Variants in ARHGEF18 observed in about 807,000 individuals in gnomAD.
ARHGEF18 encodes rho guanine nucleotide exchange factor 18.
In ARHGEF18, 93 loss-of-function variants were observed where a neutral mutation model predicts 155.7. The ratio of observed to expected loss-of-function variants is 0.60; its 90% CI spans 0.50 to 0.71. The LOEUF is 0.71. Among genes scored for constraint, ARHGEF18 ranks in the 30% least tolerant of loss-of-function variants. The pLI is 0.00. For missense variants in ARHGEF18, 1,593 were observed against 1,816.1 expected, an observed-to-expected ratio of 0.88 and a Z score of 2.23; for synonymous variants, 742 against 753.1, an observed-to-expected ratio of 0.99 and a Z score of 0.24.
At chr19:7,461,543 CCTT>C (rs1424377751) in intron 20 of ARHGEF18, among the ~76,000 whole-genome samples, 5 of 152,068 alleles carry the variant, frequency 3.3e-5, no homozygotes, top group East Asian at 3.9e-4. Flanking sequence ...GAGCGAGACT[CCTT>C]CTCAAAAGAA....
intron 10 of ARHGEF18, among the ~76,000 whole-genome samples, chr19:7,394,428 C>T (rs1221972219): frequency 6.6e-6 from 1 of 152,046 alleles, no homozygotes; most frequent in Non-Finnish European, 1.5e-5. Context: ...CTCCCCACCA[C>T]TGGGAGTGCC....
intron 17 of ARHGEF18, among the ~76,000 whole-genome samples, chr19:7,454,905 A>G (rs1415072827): frequency 2.6e-5 from 4 of 151,932 alleles, no homozygotes; most frequent in Non-Finnish European, 5.9e-5. Context: ...GTGGATAGAG[A>G]ATACCCCCAG....
intron 10 of ARHGEF18, among the ~76,000 whole-genome samples, chr19:7,434,138 T>C (rs1974125731): frequency 6.6e-6 from 1 of 151,780 alleles, no homozygotes; most frequent in Admixed American, 6.6e-5. Context: ...CAGAGATTGC[T>C]CTTGTTTTAG....
chr19:7,411,029 A>T (rs762282625), intron 10 of ARHGEF18, among the ~76,000 whole-genome samples: 1 of 152,022 alleles, frequency 6.6e-6, no homozygotes, highest in South Asian at 2.1e-4. Flanking sequence ...AGCATCTGCA[A>T]TATCTATAGG....
At position 7,462,410 on chromosome 19, in the gene ARHGEF18, C is replaced by T. The variant is rs2093969263; in HGVS notation, c.2635+76C>T. The T allele has an allele frequency of 6.2e-6, 9 of 1,449,108 alleles. No homozygotes were observed. Among genetic ancestry groups the T allele is most frequent in the African/African-American group, 2.9e-5 (2 of 69,790 alleles). The allele number at this position is 1,449,108 out of a possible 1,614,324, so 89.8% of individuals were successfully genotyped here. On this transcript the variant is annotated intron_variant, in intron 21 of 28. Coordinates refer to ENST00000668164, the MANE Select transcript of ARHGEF18 (RefSeq NM_001367823.1). This position sits in a 1 kb window ranked among gnomAD's most constrained non-coding sequence, Gnocchi z 4.4. ...CTCAGGGAACCCCAGGCCAGGCTCA[C>T]GGCTCATTGTGGCCGACACGGCACC...
At chr19:7,439,288 C>CCA (rs1555720542) in intron 10 of ARHGEF18, among the ~76,000 whole-genome samples, 3 of 150,388 alleles carry the variant, frequency 2.0e-5, no homozygotes, top group Admixed American at 6.6e-5. Flanking sequence ...AGACCCCCCC[C>CCA]CAACCTCTAC....
Position 7,463,428 on chromosome 19 carries a change from G to C in ARHGEF18, c.2636-390G>C, listed in dbSNP as rs1384641089. Reference sequence around the variant, plus strand: ...AAAGTCACTCTCCCATATGGCCATTGTCACACAATCAGTGTATGGTCATTG... The same window carrying C: ...AAAGTCACTCTCCCATATGGCCATTCTCACACAATCAGTGTATGGTCATTG... On this transcript the variant is annotated intron_variant, in intron 21 of 28. Transcript: ENST00000668164. The surrounding 1 kb of genome is among the most constrained non-coding windows in gnomAD (Gnocchi z 5.2). 6.6e-6 allele frequency among the ~76,000 whole-genome samples: 1 copy of C among 152,210 alleles called. No individual in the cohort carries two copies. Among genetic ancestry groups the C allele is most frequent in the Non-Finnish European group, 1.5e-5 (1 of 68,040 alleles).
chr19:7,368,380 C>A (rs150137029), intron 2 of ARHGEF18, among the ~76,000 whole-genome samples: 197 of 152,194 alleles, frequency 1.3e-3, no homozygotes, highest in Admixed American at 2.9e-3. Context: ...GCCAGCAGGG[C>A]AGCGTACGAT....
At chr19:7,382,714 G>C in intron 8 of ARHGEF18, 78 bp from the exon 9 acceptor site, 1 of 1,067,672 alleles carries the variant, frequency 9.4e-7, no homozygotes, top group Non-Finnish European at 1.2e-6. Flanking sequence ...GTTGCAGGTG[G>C]ATTCCTGAAG....
intron 2 of ARHGEF18, 120 bp from the exon 3 acceptor site, chr19:7,372,692 C>A: frequency 9.6e-7 from 1 of 1,046,738 alleles, no homozygotes; most frequent in Non-Finnish European, 1.2e-6. Flanking sequence ...CCAGGAGGGA[C>A]AGGTAGGGGA....
intron 3 of ARHGEF18, among the ~76,000 whole-genome samples, chr19:7,375,309 A>T (rs1970392191): frequency 6.7e-6 from 1 of 148,542 alleles, no homozygotes; most frequent in Non-Finnish European, 1.5e-5. Context: ...AAAGAAAAGA[A>T]AGAAAAAGAA....
chr19:7,465,004 T>C (rs975458326), intron 23 of ARHGEF18, among the ~76,000 whole-genome samples: 1 of 152,172 alleles, frequency 6.6e-6, no homozygotes, highest in Non-Finnish European at 1.5e-5. Flanking sequence ...GGGGCAGGTG[T>C]GGTGGTGCCT....
chr19:7,465,341 C>T lies in ARHGEF18; in HGVS notation c.2904+651C>T, dbSNP rs1432833832. Among the ~76,000 whole-genome samples, 4 of 152,070 alleles carry T rather than the reference C, an allele frequency of 2.6e-5. No homozygotes were observed. In the East Asian group the frequency reaches 7.7e-4, roughly 29 times the overall value. The stretch of plus-strand genomic sequence containing the variant: ...TAAGGGATGTATTTTCAATAATAAG[C>T]AGGGGCCGGGTGCAGTGCCTCACAC... On this transcript the variant is annotated intron_variant, in intron 23 of 28. Coordinates refer to ENST00000668164, the MANE Select transcript of ARHGEF18 (RefSeq NM_001367823.1).
At chr19:7,405,022 A>C (rs967950084) in intron 10 of ARHGEF18, among the ~76,000 whole-genome samples, 4 of 151,928 alleles carry the variant, frequency 2.6e-5, no homozygotes, top group African/African-American at 9.7e-5. Flanking sequence ...TAATGGCATG[A>C]TCTTGGCTCA....
chr19:7,453,205 T>TC (rs11366609), intron 16 of ARHGEF18, among the ~76,000 whole-genome samples: 1,301 of 127,964 alleles, frequency 0.01, 9 homozygotes, highest in African/African-American at 0.029. Context: ...CACCCTACCC[T>TC]CCCCCCCCCA....
intron 10 of ARHGEF18, among the ~76,000 whole-genome samples, chr19:7,403,285 C>T (rs1254171801): frequency 6.6e-6 from 1 of 152,138 alleles, no homozygotes; most frequent in Non-Finnish European, 1.5e-5. Flanking sequence ...GTGCAGCTGT[C>T]ACTACTATAA....
chr19:7,365,985 A>C, intron 2 of ARHGEF18, among the ~76,000 whole-genome samples: 1 of 151,454 alleles, frequency 6.6e-6, no homozygotes, highest in Non-Finnish European at 1.5e-5. Context: ...TCACTCCATC[A>C]CCCAGGCTGG....
chr19:7,464,635 A>G lies in ARHGEF18; in HGVS notation c.2849A>G (p.Asp950Gly). ...TGGCGAGGCCCCCCAAACAGCCCGG[A>G]CTTGAAGCTCAGTGACAGTGACATT... ...RDWRGPPNSPDLKLSDSDIPG... is the reference protein window; with the variant it reads ...RDWRGPPNSPGLKLSDSDIPG... The change falls in exon 23 of 29, where the codon GAC becomes GGC. Residue 950 changes from aspartate to glycine, a missense_variant. Physicochemically the swap from Asp to Gly is moderately conservative, Grantham distance 94. Transcript: ENST00000668164. 1 of 1,613,922 alleles carries G rather than the reference A, an allele frequency of 6.2e-7. No homozygotes were observed.
chr19:7,392,134 G>A (rs968637187), intron 10 of ARHGEF18, among the ~76,000 whole-genome samples: 21 of 151,094 alleles, frequency 1.4e-4, no homozygotes, highest in Non-Finnish European at 2.7e-4. Flanking sequence ...CCAGCTACTC[G>A]GGAGGCTGAG....
Sources: allele counts gnomAD v4.1 joint callset (sites outside exome capture counted in the v4.1 genomes callset), GRCh38; gene constraint gnomAD v4.1.1; non-coding constraint Gnocchi (gnomAD v3.1); transcripts MANE v1.5; gene names NCBI Gene and HGNC (gene_info 2026-07-23, HGNC 2026-07-21).